The following FYN variants were observed in gnomAD, a reference collection of about 807,000 sequenced individuals.
FYN encodes the protein FYN proto-oncogene, Src family tyrosine kinase, also known as tyrosine-protein kinase Fyn.
A neutral mutation model predicts 70.2 loss-of-function variants in FYN; 10 were observed. The observed-to-expected ratio is 0.14, with a 90% CI of 0.09 to 0.24. The LOEUF is 0.24. FYN is among the 10% of genes least tolerant of loss of function. The probability of loss-of-function intolerance (pLI) is 1.00; values close to 1 mark genes in which losing one functional copy is unlikely to be tolerated. For missense variants in FYN, 319 were observed against 673.1 expected (o/e 0.47, Z 5.82); for synonymous variants, 236 against 248.6 (o/e 0.95, Z 0.48).
At chr6:111,857,739 C>T (rs1773860358) in intron 1 of FYN, among the ~76,000 whole-genome samples, 1 of 152,158 alleles carries the variant, frequency 6.6e-6, no homozygotes, top group Admixed American at 6.5e-5. Flanking sequence ...CTAGTGGCTT[C>T]AGAGTTAAAA....
intron 13 of FYN, among the ~76,000 whole-genome samples, chr6:111,673,169 C>A (rs1365016234): frequency 6.6e-6 from 1 of 151,974 alleles, no homozygotes; most frequent in South Asian, 2.1e-4. Flanking sequence ...CCGCACATTT[C>A]CCCCCTTGAG....
In FYN at chr6:111,740,323, A is replaced by C. The variant is rs553748865; in HGVS notation, c.-11-20261T>G. On this transcript the variant is annotated intron_variant, in intron 3 of 13. Transcript: ENST00000354650. ...TTTCAGTGCTGTTCATGATAATAAA[A>C]AAATTGGATACAATCTAGGCACTCA... 6.5e-4 allele frequency among the ~76,000 whole-genome samples: 99 copies of C among 152,208 alleles called. 2 individuals carry two copies. The highest frequency in any genetic ancestry group is 1.3e-4 in the Non-Finnish European group (9 of 68,040).
intron 2 of FYN, among the ~76,000 whole-genome samples, chr6:111,787,921 C>T (rs1170906540): frequency 6.6e-6 from 1 of 152,182 alleles, no homozygotes; most frequent in East Asian, 1.9e-4. Flanking sequence ...AAGCCATCCA[C>T]CATCATTCCA....
intron 9 of FYN, chr6:111,699,678 A>G (rs1799742239): frequency 6.2e-7 from 1 of 1,610,648 alleles, no homozygotes; most frequent in Non-Finnish European, 8.5e-7. Flanking sequence ...TCTCTACAGG[A>G]AAGGGAATTA....
At chr6:111,872,927 TC>T (rs893339294) in intron 1 of FYN, 40 bp downstream of exon 1, 1,687 of 148,876 alleles carry the variant, frequency 0.011, 25 homozygotes, top group Non-Finnish European at 0.014. Context: ...CTCCGCAGCA[TC>T]CCCGAGGCCT....
chr6:111,807,839 G>T (rs1237772793), intron 2 of FYN, among the ~76,000 whole-genome samples: 1 of 152,164 alleles, frequency 6.6e-6, no homozygotes, highest in African/African-American at 2.4e-5. Context: ...GCCGGATGTG[G>T]TGGCTCATGC....
chr6:111,736,184 C>T (rs938440437), intron 3 of FYN, among the ~76,000 whole-genome samples: 4 of 152,210 alleles, frequency 2.6e-5, no homozygotes, highest in Non-Finnish European at 4.4e-5. Context: ...TGTGAGGTCA[C>T]AGGGGATCAC....
At chr6:111,777,357 C>CTTTTTTTTTTTTTTTTTTTTT (rs1562517057) in intron 3 of FYN, among the ~76,000 whole-genome samples, 1 of 152,060 alleles carries the variant, frequency 6.6e-6, no homozygotes, top group African/African-American at 2.4e-5. Flanking sequence ...AAGATATTTC[C>CTTTTTTTTTTTTTTTTTTTTT]ATTTTTAAAC....
intron 2 of FYN, among the ~76,000 whole-genome samples, chr6:111,784,594 T>G (rs1463593129): frequency 6.6e-6 from 1 of 152,164 alleles, no homozygotes; most frequent in Admixed American, 6.5e-5. Flanking sequence ...TGGTCAACAG[T>G]TGCCCTCCCC....
At chr6:111,786,688 A>T (rs1771401797) in intron 2 of FYN, among the ~76,000 whole-genome samples, 2 of 152,230 alleles carry the variant, frequency 1.3e-5, no homozygotes, top group Non-Finnish European at 2.9e-5. Context: ...CCAACAGTGT[A>T]AAAGTGTTCC....
intron 3 of FYN, among the ~76,000 whole-genome samples, chr6:111,726,118 T>C (rs1801183455): frequency 6.6e-6 from 1 of 152,224 alleles, no homozygotes; most frequent in African/African-American, 2.4e-5. Flanking sequence ...GATTCCTCCC[T>C]AGTCAAGCCT....
intron 5 of FYN, among the ~76,000 whole-genome samples, chr6:111,713,892 G>A (rs1385912535): frequency 1.3e-5 from 2 of 152,242 alleles, no homozygotes; most frequent in African/African-American, 4.8e-5. Flanking sequence ...GAAATGTTTA[G>A]CAGTTTATAA....
intron 3 of FYN, among the ~76,000 whole-genome samples, chr6:111,734,736 A>G (rs1313815719): frequency 6.6e-6 from 1 of 152,226 alleles, no homozygotes; most frequent in Non-Finnish European, 1.5e-5. Context: ...AAATCACCAT[A>G]GTAACAAATC....
chr6:111,791,292 G>A (rs879471256), intron 2 of FYN, among the ~76,000 whole-genome samples: 5 of 152,074 alleles, frequency 3.3e-5, no homozygotes, highest in Non-Finnish European at 4.4e-5. Flanking sequence ...AGTAATAAAT[G>A]TATAAAAGTA....
At chr6:111,866,271 A>T (rs981925676) in intron 1 of FYN, among the ~76,000 whole-genome samples, 3 of 152,244 alleles carry the variant, frequency 2.0e-5, no homozygotes. Flanking sequence ...CAGAGAGACC[A>T]GGTAACTTGG....
chr6:111,700,319 T>C, intron 8 of FYN, 51 bp from the exon 9 acceptor site: 1 of 1,586,312 alleles, frequency 6.3e-7, no homozygotes, highest in South Asian at 1.1e-5. Flanking sequence ...AGAACACATG[T>C]AATGACAACA....
intron 3 of FYN, among the ~76,000 whole-genome samples, chr6:111,729,213 C>T (rs533366836): frequency 3.9e-5 from 6 of 152,062 alleles, no homozygotes; most frequent in Non-Finnish European, 7.4e-5. Flanking sequence ...GTGGTTCACA[C>T]CTGTAATTCC....
chr6:111,666,865 C>T (rs1798034172), intron 13 of FYN, among the ~76,000 whole-genome samples: 3 of 152,232 alleles, frequency 2.0e-5, no homozygotes, highest in South Asian at 2.1e-4. Context: ...TCGAGTCCCT[C>T]TTTCCCAGAG....
chr6:111,760,992 T>TA (rs1473967696), intron 3 of FYN, among the ~76,000 whole-genome samples: 1 of 152,108 alleles, frequency 6.6e-6, no homozygotes, highest in East Asian at 1.9e-4. Flanking sequence ...TTGTATAATT[T>TA]AAAAAACTCC....
Sources: allele counts gnomAD v4.1 joint callset (sites outside exome capture counted in the v4.1 genomes callset), GRCh38; gene constraint gnomAD v4.1.1; transcripts MANE v1.5; gene names NCBI Gene and HGNC (gene_info 2026-07-23, HGNC 2026-07-21).